The following ACTN2 variants were observed in gnomAD, a reference collection of about 807,000 sequenced individuals.
The protein encoded by ACTN2 is actinin alpha 2.
ACTN2 carries 39 observed loss-of-function variants against 113.8 expected under a neutral mutation model. The observed-to-expected ratio is 0.34, with a 90% CI of 0.27 to 0.45. The LOEUF is 0.45. Among genes scored for constraint, ACTN2 ranks in the 20% least tolerant of loss-of-function variants. The probability of loss-of-function intolerance (pLI) is 1.00; values close to 1 mark genes in which losing one functional copy is unlikely to be tolerated. For missense variants in ACTN2, 992 were observed against 1,177.9 expected, an observed-to-expected ratio of 0.84 and a Z score of 2.31; for synonymous variants, 429 against 444.1, an observed-to-expected ratio of 0.97 and a Z score of 0.43.
intron 10 of ACTN2, among the ~76,000 whole-genome samples, chr1:236,740,613 AC>A (rs1316930768): frequency 6.6e-6 from 1 of 150,462 alleles, no homozygotes; most frequent in Admixed American, 6.6e-5. Context: ...GCTCACTGCA[AC>A]CTCTGCCTCC....
At chr1:236,699,376 G>A (rs1657609032) in intron 1 of ACTN2, among the ~76,000 whole-genome samples, 1 of 152,156 alleles carries the variant, frequency 6.6e-6, no homozygotes, top group Non-Finnish European at 1.5e-5. Flanking sequence ...TTTTCCCCCA[G>A]TCAAGCTTTA....
intron 7 of ACTN2, among the ~76,000 whole-genome samples, chr1:236,734,801 A>T (rs1235908273): frequency 6.6e-6 from 1 of 152,232 alleles, no homozygotes; most frequent in Non-Finnish European, 1.5e-5. Context: ...AGGTTTCACC[A>T]TAGGGAATTG....
chr1:236,737,020 C>A (rs1658898365), intron 8 of ACTN2, 102 bp from the exon 9 acceptor site: 2 of 921,240 alleles, frequency 2.2e-6, no homozygotes, highest in Admixed American at 2.0e-5. Context: ...CCGTCTACAG[C>A]ACGCCACCCT....
chr1:236,721,015 G>GGGTTTTTTTTTTTTTTTTTT, intron 4 of ACTN2, among the ~76,000 whole-genome samples: 2 of 49,176 alleles, frequency 4.1e-5, no homozygotes, highest in Non-Finnish European at 6.8e-5. Flanking sequence ...TCTGGTTTTT[G>GGGTTTTTTTTTTTTTTTTTT]TTTTTTGTTT....
intron 10 of ACTN2, among the ~76,000 whole-genome samples, chr1:236,741,223 C>G (rs1257419303): frequency 1.3e-5 from 2 of 151,796 alleles, no homozygotes; most frequent in African/African-American, 4.8e-5. Context: ...TATTTCTTTG[C>G]AGAGATGGGG....
chr1:236,698,221 C>G (rs1385750366), intron 1 of ACTN2, among the ~76,000 whole-genome samples: 2 of 20,510 alleles, frequency 9.8e-5, no homozygotes, highest in Non-Finnish European at 3.4e-4. Flanking sequence ...TTGTAAGATG[C>G]CTTAAAAAAA....
chr1:236,751,555 A>C lies in ACTN2; in HGVS notation c.1742A>C (p.Glu581Ala). 1 of 1,614,094 alleles carries C rather than the reference A, an allele frequency of 6.2e-7. No homozygotes were observed. The highest frequency in any genetic ancestry group is 2.2e-5 in the East Asian group (1 of 44,876). The change falls in exon 15 of 21, where the codon GAG (glutamate) becomes GCG (alanine). Residue 581 changes from glutamate to alanine, a missense_variant. This residue lies in a region of ACTN2 where 736 missense variants were observed against 815.4 expected (regional missense o/e 0.90). Transcript: ENST00000366578. ...CAGTCCATCATGGCCATCCAGAACGAGGTGGAGAAGGTGATTCAGAGCTAC... is the reference window on the plus strand; with the variant it reads ...CAGTCCATCATGGCCATCCAGAACGCGGTGGAGAAGGTGATTCAGAGCTAC... ...ERQSIMAIQN[E>A]VEKVIQSYNI...
At chr1:236,761,205 C>T (rs1484520179) in intron 20 of ACTN2, 32 bp downstream of exon 20, 10 of 1,613,028 alleles carry the variant, frequency 6.2e-6, no homozygotes, top group South Asian at 2.2e-5. Context: ...TCTGCTTTAG[C>T]AGGAGTCCAC....
intron 1 of ACTN2, among the ~76,000 whole-genome samples, chr1:236,689,300 GATAT>G (rs57239117): frequency 0.091 from 11,036 of 121,416 alleles, 405 homozygotes; most frequent in South Asian, 0.13. Flanking sequence ...TTACAGATGT[GATAT>G]ATATATATAT....
intron 1 of ACTN2, among the ~76,000 whole-genome samples, chr1:236,715,415 A>T (rs1658165092): frequency 2.0e-5 from 3 of 151,352 alleles, no homozygotes; most frequent in Non-Finnish European, 4.4e-5. Flanking sequence ...ATGAATTCTT[A>T]TCATAATCTT....
At chr1:236,713,472 C>A (rs1572108286) in intron 1 of ACTN2, among the ~76,000 whole-genome samples, 1 of 152,156 alleles carries the variant, frequency 6.6e-6, no homozygotes, top group Non-Finnish European at 1.5e-5. Flanking sequence ...AGTGATCCAC[C>A]CACTTTGGCC....
At chr1:236,726,130 T>C in intron 5 of ACTN2, 110 bp downstream of exon 5, 2 of 960,784 alleles carry the variant, frequency 2.1e-6, no homozygotes, top group Admixed American at 1.8e-5. Flanking sequence ...AAGCCTTTTA[T>C]GTATCGAGGA....
rs902057892 is a variant in ACTN2 at position 236,762,847 on chromosome 1, C to T, written c.*228C>T. ...AATAGGTTTATTTCTGAGTTTTTAGCAAAATGTAATGAAATATCAGGTTGA... is the reference window on the plus strand; with the variant it reads ...AATAGGTTTATTTCTGAGTTTTTAGTAAAATGTAATGAAATATCAGGTTGA... On this transcript the variant is annotated 3_prime_UTR_variant, in exon 21 of 21. Transcript: ENST00000366578. 7.3e-6 allele frequency: 4 copies of T among 548,222 alleles called. No individual in the cohort carries two copies. Among genetic ancestry groups the T allele is most frequent in the Admixed American group, 6.1e-5 (2 of 32,948 alleles). 34.0% of individuals were successfully genotyped at this position (548,222 alleles called of 1,614,324 possible). A position where few individuals can be genotyped will look rare whatever the true frequency, so the allele number is the denominator to read the frequency against.
At chr1:236,703,710 G>A (rs879486814) in intron 1 of ACTN2, among the ~76,000 whole-genome samples, 3 of 150,132 alleles carry the variant, frequency 2.0e-5, no homozygotes, top group Admixed American at 6.7e-5. Context: ...ATTTTAAAAC[G>A]CCCTTGGAAT....
At chr1:236,709,220 G>GTGTGTATATATATA (rs1275373436) in intron 1 of ACTN2, among the ~76,000 whole-genome samples, 2 of 66,834 alleles carry the variant, frequency 3.0e-5, no homozygotes, top group Non-Finnish European at 5.4e-5. Flanking sequence ...ACAAATGACT[G>GTGTGTATATATATA]TATATATATA....
At chr1:236,690,776 T>C (rs1558218986) in intron 1 of ACTN2, among the ~76,000 whole-genome samples, 1 of 152,128 alleles carries the variant, frequency 6.6e-6, no homozygotes, top group Non-Finnish European at 1.5e-5. Flanking sequence ...ACAGAAAATG[T>C]ATCATTTTAA....
At chr1:236,737,098 C>T (rs559738096) in intron 8 of ACTN2, 24 bp from the exon 9 acceptor site, 2 of 1,586,354 alleles carry the variant, frequency 1.3e-6, no homozygotes, top group South Asian at 2.2e-5. Flanking sequence ...CAGAGCCGTC[C>T]TGTTTACCTA....
At chr1:236,704,512 GA>G (rs1426735318) in intron 1 of ACTN2, among the ~76,000 whole-genome samples, 1 of 152,168 alleles carries the variant, frequency 6.6e-6, no homozygotes, top group African/African-American at 2.4e-5. Flanking sequence ...CAGGCCTCCA[GA>G]ACTAATGACC....
intron 10 of ACTN2, among the ~76,000 whole-genome samples, chr1:236,741,432 T>C (rs1472891132): frequency 6.6e-6 from 1 of 152,160 alleles, no homozygotes; most frequent in East Asian, 1.9e-4. Context: ...GGCCAGTATA[T>C]CCACCTGGAT....
Sources: gnomAD v4.1 joint callset for allele counts (sites outside exome capture counted in the v4.1 genomes callset) on GRCh38, gnomAD v4.1.1 for gene constraint, gnomAD v4.1.1 regional missense constraint, MANE v1.5 for transcripts, NCBI Gene and HGNC (gene_info 2026-07-23, HGNC 2026-07-21) for gene names.